Variants in STS observed in about 807,000 individuals in gnomAD.
The protein encoded by STS is steroid sulfatase, also known as steryl-sulfatase.
A neutral mutation model predicts 26.8 loss-of-function variants in STS; 7 were observed. The observed-to-expected ratio is 0.26, with a 90% confidence interval of 0.15 to 0.49. The LOEUF is 0.49. STS is among the 20% of genes least tolerant of loss of function. The pLI is 0.98. For missense variants in STS, 434 were observed against 465.6 expected, an observed-to-expected ratio of 0.93 and a Z score of 0.63; for synonymous variants, 199 against 189.4, an observed-to-expected ratio of 1.05 and a Z score of -0.42.
intron 2 of STS, chrX:7,219,496 A>T: frequency 8.8e-7 from 1 of 1,138,575 alleles, no homozygotes; most frequent in Non-Finnish European, 1.2e-6. Flanking sequence ...GACGGGACCC[A>T]GCTGTAGTGA....
chrX:7,296,333 A>G (rs914696406), intron 7 of STS, among the ~76,000 whole-genome samples: 2 of 112,162 alleles, frequency 1.8e-5, no homozygotes, highest in Non-Finnish European at 3.8e-5. Flanking sequence ...CGATTACCCA[A>G]TCTCTATCTT....
At chrX:7,231,834 CTT>C (rs35306364) in intron 2 of STS, among the ~76,000 whole-genome samples, 2,598 of 87,062 alleles carry the variant, frequency 0.03, 44 homozygotes, top group African/African-American at 0.057. Context: ...AATAAATCTG[CTT>C]TTTTTTTTTT....
chrX:7,228,789 T>G (rs940803066), intron 2 of STS, among the ~76,000 whole-genome samples: 2 of 112,440 alleles, frequency 1.8e-5, no homozygotes, highest in African/African-American at 6.5e-5. Context: ...TAAAAGTATC[T>G]TTTGATGAAT....
At chrX:7,290,561 T>C (rs1355121689) in intron 7 of STS, among the ~76,000 whole-genome samples, 5 of 111,933 alleles carry the variant, frequency 4.5e-5, no homozygotes, top group African/African-American at 1.6e-4. Flanking sequence ...ATCAGCAGAT[T>C]GCAGAGGCAA....
intron 2 of STS, among the ~76,000 whole-genome samples, chrX:7,231,834 C>CT (rs35306364): frequency 0.38 from 32,942 of 86,953 alleles, 5,564 homozygotes; most frequent in African/African-American, 0.4. Flanking sequence ...AATAAATCTG[C>CT]TTTTTTTTTT....
chrX:7,278,178 C>G (rs1318292593), intron 7 of STS, among the ~76,000 whole-genome samples: 1 of 112,205 alleles, frequency 8.9e-6, no homozygotes, highest in East Asian at 2.8e-4. Context: ...AATCCTTCCC[C>G]TAAGCATTCC....
chrX:7,249,823 G>A (rs978484614), intron 2 of STS, among the ~76,000 whole-genome samples: 12 of 111,341 alleles, frequency 1.1e-4, no homozygotes, highest in Non-Finnish European at 2.3e-4. Context: ...TTTTCTAACC[G>A]ATACTGTATT....
rs776822756 is a variant in STS, at chrX:7,148,684, G to T, written c.-134+601G>T. Among the ~76,000 whole-genome samples, 844 of 112,179 alleles carry T rather than the reference G, an allele frequency of 7.5e-3. 6 individuals carry two copies. Among genetic ancestry groups the T allele is most frequent in the African/African-American group, 0.026 (805 of 30,848 alleles). ...CTCAGTTTCGCTTGCCCGCCTCCTT[G>T]CGGTCCTGGACCGCGACTTGAACCG... On this transcript the variant is annotated intron_variant, in intron 1 of 10. Coordinates refer to ENST00000674429, the MANE Select transcript of STS (RefSeq NM_001320752.2).
At chrX:7,261,222 T>C (rs752430456) in intron 6 of STS, among the ~76,000 whole-genome samples, 1 of 111,343 alleles carries the variant, frequency 9.0e-6, no homozygotes, top group South Asian at 3.8e-4. Flanking sequence ...TTAAACTCTA[T>C]GAGAGATGTA....
intron 2 of STS, among the ~76,000 whole-genome samples, chrX:7,251,442 G>A (rs886348809): frequency 8.1e-5 from 9 of 111,252 alleles, no homozygotes; most frequent in Admixed American, 7.7e-4. Context: ...TGGGGGAGCT[G>A]TCTGCATGCA....
At chrX:7,161,487 T>G (rs1265075250) in intron 1 of STS, among the ~76,000 whole-genome samples, 2 of 112,258 alleles carry the variant, frequency 1.8e-5, no homozygotes, top group Non-Finnish European at 3.8e-5. Context: ...CAATGCATGC[T>G]GTACATAATC....
At chrX:7,303,949 T>C (rs1458655801) in intron 7 of STS, among the ~76,000 whole-genome samples, 1 of 112,093 alleles carries the variant, frequency 8.9e-6, no homozygotes, top group Non-Finnish European at 1.9e-5. Context: ...TATCCCATAC[T>C]CATTTATTCT....
At chrX:7,211,792 A>T (rs1921041187) in intron 2 of STS, among the ~76,000 whole-genome samples, 1 of 111,936 alleles carries the variant, frequency 8.9e-6, no homozygotes, top group South Asian at 3.7e-4. Flanking sequence ...ACCTGTTCTT[A>T]TGCCCCAGAG....
chrX:7,219,802 G>A, intron 2 of STS: 5 of 892,903 alleles, frequency 5.6e-6, no homozygotes, highest in Non-Finnish European at 8.1e-6. Flanking sequence ...GTGTTGTCTT[G>A]TTCTTGTTTC....
At chrX:7,181,746 T>C (rs1933684886) in intron 1 of STS, among the ~76,000 whole-genome samples, 1 of 112,033 alleles carries the variant, frequency 8.9e-6, no homozygotes, top group South Asian at 3.7e-4. Flanking sequence ...TTCTTTGTTC[T>C]ATGGGTAGAT....
At chrX:7,321,124 A>C (rs1421034673) in intron 8 of STS, among the ~76,000 whole-genome samples, 1 of 111,853 alleles carries the variant, frequency 8.9e-6, no homozygotes, top group Non-Finnish European at 1.9e-5. Flanking sequence ...CCTTTGCAGC[A>C]ACATAGATGG....
intron 1 of STS, among the ~76,000 whole-genome samples, chrX:7,170,907 G>A (rs1318129992): frequency 8.9e-6 from 1 of 111,944 alleles, no homozygotes; most frequent in South Asian, 3.7e-4. Context: ...AATCAAACAC[G>A]TAATTAGATG....
intron 2 of STS, among the ~76,000 whole-genome samples, chrX:7,240,529 G>GTA (rs1190838624): frequency 2.4e-3 from 112 of 46,988 alleles, no homozygotes; most frequent in East Asian, 5.3e-3. Context: ...GTGTGTGTGT[G>GTA]TGTGTATATA....
chrX:7,324,844 G>C (rs781775777), intron 8 of STS, among the ~76,000 whole-genome samples: 5 of 111,716 alleles, frequency 4.5e-5, no homozygotes, highest in South Asian at 3.8e-4. Flanking sequence ...GATCCACTCA[G>C]ACAATGCAGG....
Sources: gnomAD v4.1 joint callset for allele counts (sites outside exome capture counted in the v4.1 genomes callset) on GRCh38, gnomAD v4.1.1 for gene constraint, MANE v1.5 for transcripts, NCBI Gene and HGNC (gene_info 2026-07-23, HGNC 2026-07-21) for gene names.